Variants in LAMA1 observed in about 807,000 individuals in gnomAD.
LAMA1 encodes the protein laminin subunit alpha 1, also known as laminin subunit alpha-1.
Under a neutral mutation model 348.7 loss-of-function variants are expected in LAMA1, and 219 were observed. The observed-to-expected ratio is 0.63, with a 90% confidence interval of 0.56 to 0.70. The LOEUF is 0.70. Ranked by LOEUF, LAMA1 falls within the 30% of genes least tolerant of loss-of-function variation. The pLI is 0.00. For synonymous variants in LAMA1, 1,487 were observed against 1,491.0 expected, an observed-to-expected ratio of 1.00 and a Z score of 0.06; for missense variants, 3,744 against 3,888.0, an observed-to-expected ratio of 0.96 and a Z score of 0.99.
chr18:6,974,848 C>T (rs1197385609), intron 46 of LAMA1, 55 bp downstream of exon 46: 13 of 1,606,308 alleles, frequency 8.1e-6, no homozygotes, highest in Non-Finnish European at 1.1e-5. Context: ...CATGTAATTA[C>T]TTATGAGACA....
chr18:7,056,075 C>A (rs1196515406), intron 3 of LAMA1, among the ~76,000 whole-genome samples: 1 of 149,960 alleles, frequency 6.7e-6, no homozygotes, highest in Non-Finnish European at 1.5e-5. Context: ...GTGAGACTGT[C>A]TCCAAAAAAA....
chr18:6,986,478 C>T (rs147486148), intron 36 of LAMA1, 131 bp from the exon 37 acceptor site: 1 of 777,076 alleles, frequency 1.3e-6, no homozygotes, highest in African/African-American at 1.7e-5. Context: ...TACATCATAA[C>T]TTCTTAAGAA....
intron 11 of LAMA1, among the ~76,000 whole-genome samples, chr18:7,038,389 T>G (rs1055106680): frequency 2.0e-5 from 3 of 152,160 alleles, no homozygotes; most frequent in African/African-American, 7.2e-5. Flanking sequence ...CTGCACCACG[T>G]GCCGCTGTTC....
intron 13 of LAMA1, among the ~76,000 whole-genome samples, chr18:7,035,240 T>C (rs1187169676): frequency 6.6e-6 from 1 of 152,002 alleles, no homozygotes; most frequent in Non-Finnish European, 1.5e-5. Context: ...CTGGATCTTT[T>C]TATGGAGACT....
chr18:7,100,058 C>CAAAAAAAAAAAAAAAAAA (rs3038921), intron 1 of LAMA1, among the ~76,000 whole-genome samples: 3 of 79,674 alleles, frequency 3.8e-5, no homozygotes, highest in Non-Finnish European at 7.3e-5. Flanking sequence ...GACTTTGTCT[C>CAAAAAAAAAAAAAAAAAA]AAAAAAAAAA....
Position 7,032,089 on chromosome 18 carries a change from A to C in LAMA1, c.2251T>G (p.Cys751Gly). The change falls in exon 16 of 63, where the codon TGT becomes GGT. Residue 751 changes from cysteine to glycine, a missense_variant. By Grantham distance (159) the Cys-to-Gly change is radical. Transcript: ENST00000389658. ...ACAATGCAAACGCCGTGAACATTAC[A>C]CTCAGCTGCATGGCCGTGGCATTCA... ...PCECHGHAAE[C>G]NVHGVCIACA... The C allele has an allele frequency of 6.2e-7, 1 of 1,614,110 alleles. No individual in the cohort carries two copies.
At chr18:6,982,053 G>A (rs624646) in intron 41 of LAMA1, among the ~76,000 whole-genome samples, 102,775 of 152,068 alleles carry the variant, frequency 0.68, 35,308 homozygotes, top group East Asian at 0.87. Context: ...TTAATTTAAT[G>A]ATTATTAAAT....
At chr18:6,985,136 C>T (rs753909531) in intron 39 of LAMA1, 101 bp downstream of exon 39, 18 of 1,404,464 alleles carry the variant, frequency 1.3e-5, no homozygotes, top group Non-Finnish European at 1.6e-5. Flanking sequence ...CTCATTTTTA[C>T]ACAAAGGAAG....
chr18:6,993,258 AC>A (rs1435305020), intron 35 of LAMA1, among the ~76,000 whole-genome samples: 1 of 152,076 alleles, frequency 6.6e-6, no homozygotes, highest in Non-Finnish European at 1.5e-5. Context: ...GCCACAGCAC[AC>A]CCAACTGAGA....
chr18:7,053,025 T>TAATA (rs751391560), intron 3 of LAMA1, among the ~76,000 whole-genome samples: 16 of 152,080 alleles, frequency 1.1e-4, no homozygotes, highest in Admixed American at 2.0e-4. Flanking sequence ...GTCTCAAAAA[T>TAATA]AATAAATAAA....
chr18:7,010,415 T>A, intron 25 of LAMA1, 30 bp from the exon 26 acceptor site: 1 of 1,601,072 alleles, frequency 6.2e-7, no homozygotes. Context: ...TGTTTACTTC[T>A]CTGACAAAGC....
intron 55 of LAMA1, chr18:6,957,018 A>G (rs2057582204): frequency 6.4e-6 from 3 of 467,492 alleles, no homozygotes; most frequent in South Asian, 2.0e-5. Flanking sequence ...GCCATTCCTG[A>G]GCACCCCCCA....
chr18:7,058,881 A>T (rs1305094630), intron 3 of LAMA1, among the ~76,000 whole-genome samples: 1 of 152,138 alleles, frequency 6.6e-6, no homozygotes, highest in East Asian at 1.9e-4. Context: ...ACTGTCTGTT[A>T]GTATGTAGAT....
chr18:6,958,735 A>G lies in LAMA1; in HGVS notation c.7779-73T>C. ...AATAATAATTCCATTTTAGTCCATA[A>G]TTCCCACAAGTTCTCACTGAATAAT... On this transcript the variant is annotated intron_variant, in intron 54 of 62. Transcript: ENST00000389658. The G allele has an allele frequency of 3.1e-6, 4 of 1,310,788 alleles. No homozygotes were observed. The South Asian group carries it at 4.9e-5, about 16-fold the overall frequency. The allele number at this position is 1,310,788 out of a possible 1,614,324, so 81.2% of individuals were successfully genotyped here.
chr18:7,033,156 G>A (rs2057978538), intron 14 of LAMA1, 61 bp from the exon 15 acceptor site: 1 of 1,183,534 alleles, frequency 8.4e-7, no homozygotes, highest in Admixed American at 2.0e-5. Flanking sequence ...ACATCTCAAT[G>A]AAGATGGGCT....
At chr18:7,054,348 T>C (rs2058073240) in intron 3 of LAMA1, among the ~76,000 whole-genome samples, 1 of 152,082 alleles carries the variant, frequency 6.6e-6, no homozygotes. Flanking sequence ...GAACTCTAAA[T>C]GTTTTCTGAA....
chr18:7,116,807 C>T (rs1426937143), intron 1 of LAMA1, among the ~76,000 whole-genome samples: 1 of 150,268 alleles, frequency 6.7e-6, no homozygotes, highest in Non-Finnish European at 1.5e-5. Flanking sequence ...CTCTCTCTTT[C>T]TTTTCTCTTT....
rs371758670 is a variant in LAMA1, at chr18:6,942,195, C to T, written c.9112G>A (p.Gly3038Arg). Residue 3038 changes from glycine to arginine, a missense_variant, in exon 63 of 63, where the codon GGG (glycine) becomes AGG (arginine). Physicochemically the swap from Gly to Arg is moderately radical, Grantham distance 125. Coordinates refer to ENST00000389658, the MANE Select transcript of LAMA1 (RefSeq NM_005559.4). ...ATCAGAGCTAGCTTCCTCAAACACC[C>T]GCGGAACGAGGTCTGGCTGCGCAGG... is the stretch of plus-strand genomic sequence containing the variant. ...KCLRSQTSFRGCLRKLALIKS... is the reference protein window; with the variant it reads ...KCLRSQTSFRRCLRKLALIKS... 6.8e-6 allele frequency: 11 copies of T among 1,614,048 alleles called. No homozygotes were observed. The highest frequency in any genetic ancestry group is 5.3e-5 in the African/African-American group (4 of 74,934).
chr18:7,050,671 G>A (rs143972621), intron 4 of LAMA1, 23 bp downstream of exon 4: 2 of 1,612,906 alleles, frequency 1.2e-6, no homozygotes, highest in Non-Finnish European at 8.5e-7. Context: ...AACAGATCTT[G>A]CTGCAGCGGG....
Sources: gnomAD v4.1 joint callset for allele counts (sites outside exome capture counted in the v4.1 genomes callset) on GRCh38, gnomAD v4.1.1 for gene constraint, MANE v1.5 for transcripts, NCBI Gene and HGNC (gene_info 2026-07-23, HGNC 2026-07-21) for gene names.